The following BAIAP2L1 variants were observed in gnomAD, a reference collection of about 807,000 sequenced individuals.
The protein encoded by BAIAP2L1 is BAR/IMD domain containing adaptor protein 2 like 1.
BAIAP2L1 carries 35 observed loss-of-function variants against 66.3 expected under a neutral mutation model. That is an observed-to-expected ratio of 0.53 (90% CI 0.40 to 0.70). The LOEUF (loss-of-function observed/expected upper bound fraction) is 0.70, where lower values mean the gene tolerates loss of function less well. Ranked by LOEUF, BAIAP2L1 falls within the 30% of genes least tolerant of loss-of-function variation. The pLI is 0.00. For synonymous variants in BAIAP2L1, 269 were observed against 248.7 expected, an observed-to-expected ratio of 1.08 and a Z score of -0.77; for missense variants, 622 against 656.9, an observed-to-expected ratio of 0.95 and a Z score of 0.58.
intron 12 of BAIAP2L1, among the ~76,000 whole-genome samples, chr7:98,301,058 G>A (rs1037820930): frequency 2.6e-5 from 4 of 152,212 alleles, no homozygotes; most frequent in East Asian, 3.9e-4. Flanking sequence ...GCTCTAGGCC[G>A]CCCAGTAGAG....
In BAIAP2L1 at chr7:98,370,796, T is replaced by C. The variant is rs141862827; in HGVS notation, c.52-8364A>G. Among the ~76,000 whole-genome samples, 739 of 152,188 alleles carry C rather than the reference T, an allele frequency of 4.9e-3. 4 individuals are homozygous for C. Among genetic ancestry groups the C allele is most frequent in the South Asian group, 0.018 (85 of 4,818 alleles). ...GATTACAGGTGTGAGCCACCGCGCCTGGCCAATTTTGGTCTTTCTAACAGT... is the reference window on the plus strand; with the variant it reads ...GATTACAGGTGTGAGCCACCGCGCCCGGCCAATTTTGGTCTTTCTAACAGT... On this transcript the variant is annotated intron_variant, in intron 1 of 13. Coordinates refer to ENST00000005260, the MANE Select transcript of BAIAP2L1 (RefSeq NM_018842.5).
chr7:98,388,403 G>C (rs1246186709), intron 1 of BAIAP2L1, among the ~76,000 whole-genome samples: 1 of 152,172 alleles, frequency 6.6e-6, no homozygotes, highest in Admixed American at 6.5e-5. Context: ...CAAGGCAGGA[G>C]AATCGCTTCA....
chr7:98,400,734 G>A, intron 1 of BAIAP2L1, 68 bp downstream of exon 1: 1 of 1,513,302 alleles, frequency 6.6e-7, no homozygotes. Context: ...ACCTTCCCGC[G>A]TAAAGTCCCC....
chr7:98,318,247 T>C (rs915634266), intron 5 of BAIAP2L1, among the ~76,000 whole-genome samples: 1 of 152,210 alleles, frequency 6.6e-6, no homozygotes, highest in African/African-American at 2.4e-5. Context: ...TTATTCCTTC[T>C]TTCCTCAAAG....
intron 1 of BAIAP2L1, among the ~76,000 whole-genome samples, chr7:98,388,217 A>G (rs1023903473): frequency 1.3e-5 from 2 of 152,242 alleles, no homozygotes. Flanking sequence ...AGCTATTATC[A>G]TCCTTATTTA....
chr7:98,370,867 G>T (rs1392339948), intron 1 of BAIAP2L1, among the ~76,000 whole-genome samples: 1 of 152,148 alleles, frequency 6.6e-6, no homozygotes, highest in South Asian at 2.1e-4. Flanking sequence ...TATTTTAGCT[G>T]AAGTACATGT....
At chr7:98,359,016 A>G (rs778401516) in intron 2 of BAIAP2L1, among the ~76,000 whole-genome samples, 3 of 152,096 alleles carry the variant, frequency 2.0e-5, no homozygotes, top group Non-Finnish European at 4.4e-5. Flanking sequence ...ACTGCTACTG[A>G]GTGAGGACAG....
chr7:98,372,724 T>C (rs530705120), intron 1 of BAIAP2L1, among the ~76,000 whole-genome samples: 2 of 144,756 alleles, frequency 1.4e-5, no homozygotes, highest in African/African-American at 5.1e-5. Flanking sequence ...TATGTCAAGA[T>C]CGATTTTGGT....
At chr7:98,298,288 G>A (rs557490455) in intron 12 of BAIAP2L1, among the ~76,000 whole-genome samples, 3 of 151,812 alleles carry the variant, frequency 2.0e-5, no homozygotes, top group Admixed American at 1.3e-4. Context: ...CACAGGAGCT[G>A]GATATAAAAC....
chr7:98,370,509 T>A (rs1433412575), intron 1 of BAIAP2L1, among the ~76,000 whole-genome samples: 1 of 152,092 alleles, frequency 6.6e-6, no homozygotes, highest in African/African-American at 2.4e-5. Flanking sequence ...CCCAGAAATT[T>A]TGGCTTTTTT....
chr7:98,367,205 TACAC>T (rs1168002027), intron 1 of BAIAP2L1, among the ~76,000 whole-genome samples: 2 of 152,142 alleles, frequency 1.3e-5, no homozygotes, highest in African/African-American at 4.8e-5. Context: ...GTAAAAATAA[TACAC>T]AGAGTTCCCA....
At chr7:98,367,553 TGAGACGGA>T in intron 1 of BAIAP2L1, among the ~76,000 whole-genome samples, 1 of 138,790 alleles carries the variant, frequency 7.2e-6, no homozygotes, top group Admixed American at 7.3e-5. Flanking sequence ...TTTTTTTTTG[TGAGACGGA>T]GTCTCGCTCT....
chr7:98,329,128 G>A (rs1801438692), intron 3 of BAIAP2L1, among the ~76,000 whole-genome samples: 1 of 152,130 alleles, frequency 6.6e-6, no homozygotes. Flanking sequence ...GGCACTTCCG[G>A]TTTCCACTCC....
chr7:98,373,842 C>A (rs1164980394), intron 1 of BAIAP2L1, among the ~76,000 whole-genome samples: 1 of 152,220 alleles, frequency 6.6e-6, no homozygotes, highest in African/African-American at 2.4e-5. Context: ...ATCAGCTCTT[C>A]CACCCTGGTG....
intron 12 of BAIAP2L1, among the ~76,000 whole-genome samples, chr7:98,299,229 G>A (rs1584417793): frequency 1.3e-5 from 2 of 152,138 alleles, no homozygotes; most frequent in Admixed American, 1.3e-4. Flanking sequence ...ATGTTGGCCA[G>A]GCTGGTCTCA....
In BAIAP2L1 at chr7:98,320,143, G is replaced by A. The variant is rs755841506; in HGVS notation, c.277-14C>T. ...GAATTTTTTAAACTGTTAACAAAAGGAAATAAATTCATACCAGGTTTGAGA... is the reference window on the plus strand; with the variant it reads ...GAATTTTTTAAACTGTTAACAAAAGAAAATAAATTCATACCAGGTTTGAGA... On this transcript the variant is annotated splice_polypyrimidine_tract_variant and intron_variant, in intron 4 of 13. Coordinates refer to ENST00000005260, the MANE Select transcript of BAIAP2L1 (RefSeq NM_018842.5). 2.5e-6 allele frequency: 4 copies of A among 1,605,422 alleles called. No individual in the cohort carries two copies. In the East Asian group the frequency reaches 8.9e-5, roughly 36 times the overall value.
rs1442665341 is a variant in BAIAP2L1, at chr7:98,292,660, T to C, written c.*861A>G. ...CCAGGCACCAGAGGTCATCCTGGCT[T>C]TACACGTATCCTTTGAGAGTCTGTA... On this transcript the variant is annotated 3_prime_UTR_variant, in exon 14 of 14. Coordinates refer to ENST00000005260, the MANE Select transcript of BAIAP2L1 (RefSeq NM_018842.5). 6.4e-7 allele frequency: 1 copy of C among 1,551,638 alleles called. No homozygotes were observed. Among genetic ancestry groups the C allele is most frequent in the Admixed American group, 2.0e-5 (1 of 50,982 alleles).
intron 3 of BAIAP2L1, among the ~76,000 whole-genome samples, chr7:98,340,892 G>A (rs1415932932): frequency 6.8e-6 from 1 of 147,048 alleles, no homozygotes; most frequent in East Asian, 2.0e-4. Context: ...GGGTTCAAGC[G>A]ATTCTCCTGC....
chr7:98,367,994 G>A (rs187331969), intron 1 of BAIAP2L1, among the ~76,000 whole-genome samples: 6 of 152,166 alleles, frequency 3.9e-5, no homozygotes, highest in Admixed American at 1.3e-4. Flanking sequence ...AGTAAAATAC[G>A]GAACTGTTCC....
Sources: allele counts gnomAD v4.1 joint callset (sites outside exome capture counted in the v4.1 genomes callset), GRCh38; gene constraint gnomAD v4.1.1; transcripts MANE v1.5; gene names NCBI Gene and HGNC (gene_info 2026-07-23, HGNC 2026-07-21).